SPPL3: variants seen among roughly 807,000 people sequenced by gnomAD.
The protein encoded by SPPL3 is signal peptide peptidase-like 3.
Under a neutral mutation model 42.4 loss-of-function variants are expected in SPPL3, and 5 were observed. The ratio of observed to expected loss-of-function variants is 0.12; its 90% CI spans 0.06 to 0.25. The LOEUF is 0.25. Among genes scored for constraint, SPPL3 ranks in the 10% least tolerant of loss-of-function variants. The pLI, the probability that SPPL3 is intolerant of heterozygous loss-of-function variation, is 1.00. For missense variants in SPPL3, 235 were observed against 489.0 expected, an observed-to-expected ratio of 0.48 and a Z score of 4.90; for synonymous variants, 195 against 181.8, an observed-to-expected ratio of 1.07 and a Z score of -0.58.
At chr12:120,836,200 C>T (rs1056046704) in intron 1 of SPPL3, among the ~76,000 whole-genome samples, 2 of 151,920 alleles carry the variant, frequency 1.3e-5, no homozygotes, top group Non-Finnish European at 2.9e-5. Flanking sequence ...TTCCCCTCCC[C>T]TTGAATCTGG....
At position 120,883,028 on chromosome 12, in the gene SPPL3, G is replaced by C. The variant is rs574033981; in HGVS notation, c.23+20817C>G. Among the ~76,000 whole-genome samples, 246 of 152,174 alleles carry C rather than the reference G, an allele frequency of 1.6e-3. 3 individuals carry two copies. The highest frequency in any genetic ancestry group is 5.7e-3 in the African/African-American group (236 of 41,450). On this transcript the variant is annotated intron_variant, in intron 1 of 10. Transcript: ENST00000353487. ...ATATAAAACTTAATTCTAGAGGCCG[G>C]GCGTGGTGGCTCACAACTGTAATCC... is the stretch of plus-strand genomic sequence containing the variant.
At chr12:120,902,780 G>A (rs1320904948) in intron 1 of SPPL3, among the ~76,000 whole-genome samples, 2 of 152,068 alleles carry the variant, frequency 1.3e-5, no homozygotes, top group Non-Finnish European at 2.9e-5. Context: ...ATTGCAATCA[G>A]GTCCCCCACT....
intron 2 of SPPL3, among the ~76,000 whole-genome samples, chr12:120,797,626 T>C (rs910592543): frequency 6.6e-6 from 1 of 152,152 alleles, no homozygotes; most frequent in Non-Finnish European, 1.5e-5. Context: ...TGGACAGATT[T>C]TTAAGTGAAG....
At chr12:120,871,159 C>T (rs959829502) in intron 1 of SPPL3, among the ~76,000 whole-genome samples, 46 of 76,634 alleles carry the variant, frequency 6.0e-4, no homozygotes, top group Middle Eastern at 8.5e-3. Context: ...AGAAAAAGTT[C>T]TGGAGGTAAA....
intron 1 of SPPL3, among the ~76,000 whole-genome samples, chr12:120,856,448 C>A (rs1172581059): frequency 6.6e-6 from 1 of 150,978 alleles, no homozygotes; most frequent in Non-Finnish European, 1.5e-5. Context: ...AGAACATGAA[C>A]CCTTGCTACT....
At chr12:120,864,313 T>C (rs1872699365) in intron 1 of SPPL3, among the ~76,000 whole-genome samples, 1 of 152,090 alleles carries the variant, frequency 6.6e-6, no homozygotes, top group South Asian at 2.1e-4. Context: ...GCTAGGTGGA[T>C]CACCTGAGGT....
intron 1 of SPPL3, among the ~76,000 whole-genome samples, chr12:120,867,873 G>A (rs1210388992): frequency 6.6e-6 from 1 of 151,334 alleles, no homozygotes; most frequent in Non-Finnish European, 1.5e-5. Flanking sequence ...TCAGCCTCCC[G>A]AGTAGCTGGG....
At chr12:120,892,331 G>C (rs1242774602) in intron 1 of SPPL3, among the ~76,000 whole-genome samples, 3 of 152,080 alleles carry the variant, frequency 2.0e-5, no homozygotes, top group Non-Finnish European at 4.4e-5. Context: ...AGAAAATCCT[G>C]AGTGCTGCCC....
At chr12:120,863,900 A>T (rs1195873948) in intron 1 of SPPL3, among the ~76,000 whole-genome samples, 1 of 150,726 alleles carries the variant, frequency 6.6e-6, no homozygotes, top group African/African-American at 2.5e-5. Flanking sequence ...CTGGTTTTGA[A>T]ATCCTGGCCT....
At chr12:120,853,976 G>GCACATACACACACACACACA (rs1872352405) in intron 1 of SPPL3, among the ~76,000 whole-genome samples, 1 of 64,146 alleles carries the variant, frequency 1.6e-5, no homozygotes, top group African/African-American at 6.9e-5. Context: ...CCACACACAC[G>GCACATACACACACACACACA]CACACATACA....
chr12:120,782,185 A>T (rs1354758295), intron 6 of SPPL3, among the ~76,000 whole-genome samples: 3 of 152,240 alleles, frequency 2.0e-5, no homozygotes, highest in African/African-American at 7.2e-5. Context: ...TTATATAAAA[A>T]AGCATAGTCT....
chr12:120,877,387 A>C (rs1028488225), intron 1 of SPPL3, among the ~76,000 whole-genome samples: 8 of 138,838 alleles, frequency 5.8e-5, no homozygotes, highest in African/African-American at 2.0e-4. Context: ...CCTGATACCA[A>C]AACTAAAGAC....
intron 1 of SPPL3, among the ~76,000 whole-genome samples, chr12:120,818,060 T>C (rs575005725): frequency 6.6e-6 from 1 of 152,296 alleles, no homozygotes; most frequent in African/African-American, 2.4e-5. Context: ...TCTCTCCCTA[T>C]CCTACATTTC....
At chr12:120,812,591 G>C (rs1481916402) in intron 1 of SPPL3, among the ~76,000 whole-genome samples, 1 of 152,176 alleles carries the variant, frequency 6.6e-6, no homozygotes, top group Non-Finnish European at 1.5e-5. Flanking sequence ...AGTGAAAAGA[G>C]GACCTAGGAT....
At chr12:120,857,286 A>C (rs1872493431) in intron 1 of SPPL3, among the ~76,000 whole-genome samples, 1 of 152,226 alleles carries the variant, frequency 6.6e-6, no homozygotes. Flanking sequence ...ACCATCTCAC[A>C]CCAGTCAGAA....
intron 7 of SPPL3, 171 bp from the exon 8 acceptor site, chr12:120,768,659 G>C (rs909429201): frequency 4.9e-5 from 39 of 789,416 alleles, no homozygotes; most frequent in Non-Finnish European, 7.5e-5. Flanking sequence ...GCCAATTTCT[G>C]CACTCTCCAC....
At chr12:120,826,111 T>C (rs1871223852) in intron 1 of SPPL3, among the ~76,000 whole-genome samples, 1 of 151,654 alleles carries the variant, frequency 6.6e-6, no homozygotes, top group African/African-American at 2.4e-5. Flanking sequence ...CTGACCAACA[T>C]GGAGAAACCC....
chr12:120,827,901 C>T (rs968619685), intron 1 of SPPL3, among the ~76,000 whole-genome samples: 1 of 152,108 alleles, frequency 6.6e-6, no homozygotes, highest in Non-Finnish European at 1.5e-5. Flanking sequence ...GATTCTCCTG[C>T]CTCAGCCTCC....
chr12:120,901,849 C>T, intron 1 of SPPL3: 3 of 975,676 alleles, frequency 3.1e-6, no homozygotes, highest in Non-Finnish European at 1.2e-6. Flanking sequence ...CAACTAATGT[C>T]AGAGAGAGGT....
Sources: gnomAD v4.1 joint callset for allele counts (sites outside exome capture counted in the v4.1 genomes callset) on GRCh38, gnomAD v4.1.1 for gene constraint, MANE v1.5 for transcripts, NCBI Gene and HGNC (gene_info 2026-07-23, HGNC 2026-07-21) for gene names.